ERI3: variants seen among roughly 807,000 people sequenced by gnomAD.
The protein encoded by ERI3 is ERI1 exoribonuclease 3.
In ERI3, 18 loss-of-function variants were observed where a neutral mutation model predicts 44.4. That is an observed-to-expected ratio of 0.41 (90% CI 0.28 to 0.60). The LOEUF is 0.60. ERI3 is among the 20% of genes least tolerant of loss of function. The pLI is 0.36. For synonymous variants in ERI3, 183 were observed against 164.8 expected (o/e 1.11, Z -0.84); for missense variants, 294 against 435.5 (o/e 0.68, Z 2.89).
At chr1:44,283,198 G>T (rs1052776387) in intron 7 of ERI3, among the ~76,000 whole-genome samples, 2 of 152,278 alleles carry the variant, frequency 1.3e-5, no homozygotes, top group Middle Eastern at 3.4e-3. Context: ...GCCTAGCTCT[G>T]CCTTGGGGGA....
At chr1:44,318,113 C>T (rs900971053) in intron 4 of ERI3, among the ~76,000 whole-genome samples, 2 of 152,160 alleles carry the variant, frequency 1.3e-5, no homozygotes, top group African/African-American at 4.8e-5. Context: ...CCTCCCATTC[C>T]CACAAAAAGT....
intron 4 of ERI3, among the ~76,000 whole-genome samples, chr1:44,314,682 T>G (rs1460981043): frequency 3.3e-5 from 5 of 152,128 alleles, no homozygotes; most frequent in Non-Finnish European, 7.4e-5. Context: ...AGTGGGGAAG[T>G]GCCCTCAGTC....
At chr1:44,248,928 G>A (rs1286891784) in intron 7 of ERI3, among the ~76,000 whole-genome samples, 3 of 148,230 alleles carry the variant, frequency 2.0e-5, no homozygotes, top group Non-Finnish European at 3.0e-5. Context: ...ACCTCCACCT[G>A]GGGGGGGGAC....
intron 2 of ERI3, among the ~76,000 whole-genome samples, chr1:44,351,930 G>A (rs1267504896): frequency 2.0e-5 from 3 of 152,004 alleles, no homozygotes; most frequent in African/African-American, 7.3e-5. Flanking sequence ...TACAAGTCTG[G>A]GTTAGAGACC....
At chr1:44,267,494 T>C (rs368674368) in intron 7 of ERI3, among the ~76,000 whole-genome samples, 5 of 152,144 alleles carry the variant, frequency 3.3e-5, no homozygotes, top group Admixed American at 6.5e-5. Flanking sequence ...GAGGAGGGCG[T>C]TGGACAGATA....
At chr1:44,284,242 T>A (rs1645346884) in intron 7 of ERI3, among the ~76,000 whole-genome samples, 1 of 152,206 alleles carries the variant, frequency 6.6e-6, no homozygotes, top group South Asian at 2.1e-4. Flanking sequence ...GTCCATAGCC[T>A]GAGCACCAAC....
chr1:44,341,345 T>C (rs1310975829), intron 2 of ERI3, among the ~76,000 whole-genome samples: 2 of 152,210 alleles, frequency 1.3e-5, no homozygotes, highest in Admixed American at 1.3e-4. Flanking sequence ...CAGCCTAATA[T>C]ATATTATCCT....
chr1:44,248,702 A>AGTGTGTGTGTGTGT lies in ERI3; in HGVS notation c.832-678_832-665dup, dbSNP rs143570480. 3.8e-4 allele frequency among the ~76,000 whole-genome samples: 56 copies of AGTGTGTGTGTGTGT among 148,476 alleles called. 1 individual carries two copies. Among genetic ancestry groups the AGTGTGTGTGTGTGT allele is most frequent in the African/African-American group, 6.5e-4 (26 of 40,208 alleles). On this transcript the variant is annotated intron_variant, in intron 7 of 8. Transcript: ENST00000372257. ...GTGTGTATGTATGTGTGTGAGAGAG[A>AGTGTGTGTGTGTGT]GTGTGTGTGTGTGTGTGTGTGTGTG...
At chr1:44,231,917 GTT>G (rs961067117) in intron 8 of ERI3, among the ~76,000 whole-genome samples, 4 of 152,174 alleles carry the variant, frequency 2.6e-5, no homozygotes, top group African/African-American at 9.7e-5. Context: ...TCTGCTGGAT[GTT>G]TTCGTAACTG....
At chr1:44,344,649 T>C (rs897477194) in intron 2 of ERI3, among the ~76,000 whole-genome samples, 1 of 152,224 alleles carries the variant, frequency 6.6e-6, no homozygotes, top group African/African-American at 2.4e-5. Flanking sequence ...TATAAGTCTA[T>C]AGCTTATAAT....
intron 7 of ERI3, among the ~76,000 whole-genome samples, chr1:44,256,067 G>A (rs1738045): frequency 0.27 from 41,354 of 151,998 alleles, 5,814 homozygotes; most frequent in South Asian, 0.44. Flanking sequence ...GGTTCCTGAG[G>A]GGGTTGGGGG....
chr1:44,283,142 A>G (rs937613278), intron 7 of ERI3, among the ~76,000 whole-genome samples: 1 of 152,234 alleles, frequency 6.6e-6, no homozygotes, highest in African/African-American at 2.4e-5. Context: ...GTGCTCTGAC[A>G]GCTGGTATGC....
At chr1:44,347,327 G>T (rs952461070) in intron 2 of ERI3, among the ~76,000 whole-genome samples, 8 of 152,130 alleles carry the variant, frequency 5.3e-5, no homozygotes, top group Non-Finnish European at 1.2e-4. Flanking sequence ...AGAATTAAAA[G>T]AACGGCAGCA....
Position 44,221,222 on chromosome 1 carries a change from G to A in ERI3, c.*336C>T. ...TGCACTATGGATGGGAGGGGGCACA[G>A]GAGGGGCTTGGTGGCCCCACAGAAG... is the stretch of plus-strand genomic sequence containing the variant. On this transcript the variant is annotated 3_prime_UTR_variant, in exon 9 of 9. Transcript: ENST00000372257. The surrounding 1 kb of genome is among the most constrained non-coding windows in gnomAD (Gnocchi z 5.9). 2.7e-6 allele frequency: 1 copy of A among 366,822 alleles called. No homozygotes were observed. Among genetic ancestry groups the A allele is most frequent in the South Asian group, 3.2e-5 (1 of 31,348 alleles). The allele number at this position is 366,822 out of a possible 1,614,324, so 22.7% of individuals were successfully genotyped here. A position where few individuals can be genotyped will look rare whatever the true frequency, so the allele number is the denominator to read the frequency against.
intron 8 of ERI3, among the ~76,000 whole-genome samples, chr1:44,237,976 G>A (rs1355336991): frequency 6.6e-6 from 1 of 151,968 alleles, no homozygotes; most frequent in Admixed American, 6.6e-5. Context: ...CTCTTACCCT[G>A]GCCTTAGACT....
intron 1 of ERI3, chr1:44,353,893 C>T: frequency 1.0e-6 from 1 of 985,380 alleles, no homozygotes; most frequent in Non-Finnish European, 1.2e-6. Context: ...CCAACCCCCA[C>T]CTCCTGAGGA....
chr1:44,332,533 T>C (rs1572303153), intron 3 of ERI3, among the ~76,000 whole-genome samples: 1 of 152,176 alleles, frequency 6.6e-6, no homozygotes, highest in East Asian at 1.9e-4. Context: ...GCAGTCTGAA[T>C]AGAGCAAATA....
At position 44,351,120 on chromosome 1, in the gene ERI3, G is replaced by A. The variant is rs1026493524; in HGVS notation, c.211+1730C>T. Among the ~76,000 whole-genome samples the A allele has an allele frequency of 6.0e-5, 9 of 150,768 alleles. No homozygotes were observed. In the South Asian group the frequency reaches 1.3e-3, roughly 21 times the overall value. On this transcript the variant is annotated intron_variant, in intron 2 of 8. Coordinates refer to ENST00000372257, the MANE Select transcript of ERI3 (RefSeq NM_024066.3). ...GCCATCTCAGCTCACTGCAACCTCC[G>A]CCTTCTGGGTTCAAGCAATTCTCCC... is the stretch of plus-strand genomic sequence containing the variant.
intron 6 of ERI3, 66 bp from the exon 7 acceptor site, chr1:44,284,973 T>C (rs1645362445): frequency 7.3e-7 from 1 of 1,368,698 alleles, no homozygotes; most frequent in Non-Finnish European, 1.0e-6. Context: ...AGTCTTAAGA[T>C]GGGAAGTCCA....
Sources: allele counts gnomAD v4.1 joint callset (sites outside exome capture counted in the v4.1 genomes callset), GRCh38; gene constraint gnomAD v4.1.1; non-coding constraint Gnocchi (gnomAD v3.1); transcripts MANE v1.5; gene names NCBI Gene and HGNC (gene_info 2026-07-23, HGNC 2026-07-21).